The following KCNH8 variants were observed in gnomAD, a reference collection of about 807,000 sequenced individuals.
KCNH8 encodes the protein voltage-gated delayed rectifier potassium channel KCNH8.
Under a neutral mutation model 103.6 loss-of-function variants are expected in KCNH8, and 70 were observed. The observed-to-expected ratio is 0.68, with a 90% CI of 0.56 to 0.82. KCNH8 has a LOEUF of 0.82. Ranked by LOEUF, KCNH8 falls within the 40% of genes least tolerant of loss-of-function variation. The pLI is 0.00. For synonymous variants in KCNH8, 498 were observed against 489.4 expected (o/e 1.02, Z -0.23); for missense variants, 1,217 against 1,329.9 (o/e 0.92, Z 1.32).
chr3:19,485,192 A>C (rs972462021), intron 11 of KCNH8, among the ~76,000 whole-genome samples: 3 of 152,170 alleles, frequency 2.0e-5, no homozygotes, highest in Non-Finnish European at 4.4e-5. Flanking sequence ...TAAACCTAGG[A>C]ATAAGATCTC....
intron 2 of KCNH8, among the ~76,000 whole-genome samples, chr3:19,267,865 G>A (rs558047725): frequency 6.6e-6 from 1 of 152,196 alleles, no homozygotes; most frequent in Non-Finnish European, 1.5e-5. Flanking sequence ...CCGAGCCTCA[G>A]TTTTCTCTTC....
Position 19,515,000 on chromosome 3 carries a change from AAT to A in KCNH8, c.2436-317_2436-316del, listed in dbSNP as rs578046783. Reference sequence around the variant, plus strand: ...TGATAAAAGTGAAATTAATTTTAATAATATATTTTATTTGACTGAATATGTTC... The same window carrying A: ...TGATAAAAGTGAAATTAATTTTAATAATATTTTATTTGACTGAATATGTTC... On this transcript the variant is annotated intron_variant, in intron 13 of 15. Coordinates refer to ENST00000328405, the MANE Select transcript of KCNH8 (RefSeq NM_144633.3). Among the ~76,000 whole-genome samples the A allele has an allele frequency of 4.8e-3, 727 of 151,926 alleles. 3 individuals are homozygous for A. The highest frequency in any genetic ancestry group is 0.016 in the African/African-American group (661 of 41,528).
intron 7 of KCNH8, among the ~76,000 whole-genome samples, chr3:19,429,098 A>T (rs1004462447): frequency 1.5e-4 from 23 of 148,906 alleles, no homozygotes; most frequent in Admixed American, 1.5e-3. Context: ...TGTTTTTCAC[A>T]CCTATCAAGC....
intron 3 of KCNH8, among the ~76,000 whole-genome samples, chr3:19,291,675 A>G (rs534951848): frequency 4.5e-4 from 69 of 152,264 alleles, no homozygotes; most frequent in African/African-American, 1.5e-3. Flanking sequence ...TATGTGGTCA[A>G]TTTTGGAATA....
intron 5 of KCNH8, among the ~76,000 whole-genome samples, chr3:19,375,619 C>G (rs2066182622): frequency 6.6e-6 from 1 of 152,138 alleles, no homozygotes; most frequent in Non-Finnish European, 1.5e-5. Context: ...CAAAGTCATT[C>G]TCCATCCAGC....
chr3:19,164,160 G>A (rs1406292209), intron 1 of KCNH8, among the ~76,000 whole-genome samples: 6 of 152,074 alleles, frequency 3.9e-5, no homozygotes, highest in African/African-American at 7.2e-5. Context: ...CAGATGACAC[G>A]TGTCTCTTTT....
At chr3:19,176,401 TAGTTTA>T (rs1246052427) in intron 1 of KCNH8, among the ~76,000 whole-genome samples, 10 of 152,186 alleles carry the variant, frequency 6.6e-5, no homozygotes, top group African/African-American at 2.4e-4. Flanking sequence ...GAGACCTTTC[TAGTTTA>T]AGTAAGAACA....
At position 19,266,570 on chromosome 3, in the gene KCNH8, T is replaced by A. The variant is rs376799925; in HGVS notation, c.310+12683T>A. On this transcript the variant is annotated intron_variant, in intron 2 of 15. Transcript: ENST00000328405. The stretch of plus-strand genomic sequence containing the variant: ...TTTCTCTTTATGCATCTCTGTTTCA[T>A]TATGCATGTTTGAGGGTGACATTGG... 5.9e-5 allele frequency among the ~76,000 whole-genome samples: 9 copies of A among 152,268 alleles called. No homozygotes were observed. The East Asian group carries it at 1.5e-3, about 26-fold the overall frequency.
At chr3:19,244,455 AATG>A (rs1255475586) in intron 1 of KCNH8, among the ~76,000 whole-genome samples, 2 of 152,034 alleles carry the variant, frequency 1.3e-5, no homozygotes, top group Admixed American at 6.6e-5. Flanking sequence ...TTGTTGTTAT[AATG>A]ATCTATTTTC....
At chr3:19,400,379 T>A (rs185005076) in intron 7 of KCNH8, among the ~76,000 whole-genome samples, 1 of 152,018 alleles carries the variant, frequency 6.6e-6, no homozygotes, top group East Asian at 1.9e-4. Flanking sequence ...CTTACCAATC[T>A]GTGTTTCCTC....
intron 3 of KCNH8, among the ~76,000 whole-genome samples, chr3:19,308,668 C>CTG (rs2065162712): frequency 3.0e-5 from 1 of 32,840 alleles, no homozygotes; most frequent in African/African-American, 1.7e-4. Flanking sequence ...CTCTCTCTCT[C>CTG]TCTCTCTCTC....
At chr3:19,416,007 A>G (rs2066858079) in intron 7 of KCNH8, among the ~76,000 whole-genome samples, 1 of 152,094 alleles carries the variant, frequency 6.6e-6, no homozygotes, top group African/African-American at 2.4e-5. Flanking sequence ...TTAGACACTT[A>G]GCTCATTAAC....
At chr3:19,302,712 G>T (rs952292755) in intron 3 of KCNH8, among the ~76,000 whole-genome samples, 2 of 152,044 alleles carry the variant, frequency 1.3e-5, no homozygotes, top group Non-Finnish European at 2.9e-5. Context: ...TTCCTACTTA[G>T]ACTCTCTTCA....
chr3:19,495,249 C>T (rs1433514336), intron 11 of KCNH8, among the ~76,000 whole-genome samples: 2 of 152,098 alleles, frequency 1.3e-5, no homozygotes, highest in African/African-American at 4.8e-5. Context: ...CTTTTGGCAT[C>T]TTTTTCGTGA....
At chr3:19,498,731 A>T (rs1386656561) in intron 11 of KCNH8, among the ~76,000 whole-genome samples, 2 of 151,866 alleles carry the variant, frequency 1.3e-5, no homozygotes, top group Admixed American at 6.6e-5. Flanking sequence ...TTGGTCTTTG[A>T]TGATGGTGAT....
intron 7 of KCNH8, among the ~76,000 whole-genome samples, chr3:19,406,701 T>C (rs372450927): frequency 1.3e-5 from 2 of 152,120 alleles, no homozygotes; most frequent in South Asian, 4.1e-4. Context: ...CTGTAGCCCA[T>C]AGATGCACAG....
intron 1 of KCNH8, among the ~76,000 whole-genome samples, chr3:19,183,718 G>T (rs1006629374): frequency 6.6e-6 from 1 of 152,140 alleles, no homozygotes; most frequent in Non-Finnish European, 1.5e-5. Flanking sequence ...TGTCACACGT[G>T]TGGCTGACAA....
intron 10 of KCNH8, 71 bp downstream of exon 10, chr3:19,451,475 A>C (rs2067446850): frequency 7.2e-7 from 1 of 1,384,200 alleles, no homozygotes; most frequent in Non-Finnish European, 1.0e-6. Context: ...AAATGGGGGA[A>C]AAAACTGCTA....
At chr3:19,196,606 C>G (rs934499919) in intron 1 of KCNH8, among the ~76,000 whole-genome samples, 1 of 151,878 alleles carries the variant, frequency 6.6e-6, no homozygotes, top group Non-Finnish European at 1.5e-5. Flanking sequence ...GATAGAAGTG[C>G]ATGTGATTAT....
Sources: gnomAD v4.1 joint callset for allele counts (sites outside exome capture counted in the v4.1 genomes callset) on GRCh38, gnomAD v4.1.1 for gene constraint, MANE v1.5 for transcripts, NCBI Gene and HGNC (gene_info 2026-07-23, HGNC 2026-07-21) for gene names.